Variants in IGFL2 observed in about 807,000 individuals in gnomAD.
IGFL2 encodes the protein insulin growth factor-like family member 2.
A neutral mutation model predicts 13.9 loss-of-function variants in IGFL2; 7 were observed. The observed-to-expected ratio is 0.51, with a 90% confidence interval of 0.29 to 0.95. IGFL2 has a LOEUF of 0.95. Among genes scored for constraint, IGFL2 ranks in the 40% least tolerant of loss-of-function variants. IGFL2 has a pLI of 0.08. For synonymous variants in IGFL2, 55 were observed against 55.8 expected, an observed-to-expected ratio of 0.99 and a Z score of 0.07; for missense variants, 138 against 147.8, an observed-to-expected ratio of 0.93 and a Z score of 0.34.
chr19:46,122,428 G>T, the IGFL2 span, among the ~76,000 whole-genome samples: 1 of 151,084 alleles, frequency 6.6e-6, no homozygotes, highest in Non-Finnish European at 1.5e-5. Context: ...GAACAAATAG[G>T]TGAAGTCATT....
At chr19:46,206,549 C>A in the IGFL2 span, among the ~76,000 whole-genome samples, 874 of 152,228 alleles carry the variant, frequency 5.7e-3, 10 homozygotes, top group African/African-American at 0.02. Flanking sequence ...AAGATGGAGG[C>A]GAGCTTATAC....
At chr19:46,188,368 A>AGATG in the IGFL2 span, among the ~76,000 whole-genome samples, 2 of 152,242 alleles carry the variant, frequency 1.3e-5, no homozygotes, top group Non-Finnish European at 2.9e-5. Context: ...TGATCAGCTA[A>AGATG]GTGAAAGGTC....
At chr19:46,212,223 C>T in the IGFL2 span, 2 of 152,220 alleles carry the variant, frequency 1.3e-5, no homozygotes, top group Non-Finnish European at 2.9e-5. Context: ...GTCTGCTCTT[C>T]CCCTGGGGAA....
At chr19:46,163,075 T>C (rs1421424683), downstream of IGFL2, among the ~76,000 whole-genome samples, 1 of 152,184 alleles carries the variant, frequency 6.6e-6, no homozygotes, top group Non-Finnish European at 1.5e-5. Context: ...AGTAAGGTAT[T>C]ATTTATGTTG....
chr19:46,182,031 A>G, the IGFL2 span, among the ~76,000 whole-genome samples: 2 of 152,140 alleles, frequency 1.3e-5, no homozygotes, highest in East Asian at 1.9e-4. Context: ...GCATAAAAAT[A>G]TACTCATTTT....
the IGFL2 span, among the ~76,000 whole-genome samples, chr19:46,179,815 C>T: frequency 3.3e-5 from 5 of 152,126 alleles, no homozygotes; most frequent in Admixed American, 6.5e-5. Flanking sequence ...ACTCGGGGGG[C>T]TGAGGCATAA....
chr19:46,139,356 A>T (rs79510819), upstream of IGFL2, among the ~76,000 whole-genome samples: 130 of 115,582 alleles, frequency 1.1e-3, no homozygotes, highest in Middle Eastern at 0.013. Flanking sequence ...TTTTTTTTTT[A>T]AAAACGAAAT....
chr19:46,160,069 C>G, intron 1 of IGFL2: 3 of 295,360 alleles, frequency 1.0e-5, no homozygotes, highest in Non-Finnish European at 6.4e-6. Context: ...TCTTACTCAG[C>G]TTCCTTCCTC....
chr19:46,165,031 C>G (rs935051684), downstream of IGFL2, among the ~76,000 whole-genome samples: 4 of 152,182 alleles, frequency 2.6e-5, no homozygotes, highest in African/African-American at 9.7e-5. Flanking sequence ...GTATTGGTGT[C>G]TTTTTATTCC....
At chr19:46,167,668 G>T in the IGFL2 span, among the ~76,000 whole-genome samples, 126 of 152,270 alleles carry the variant, frequency 8.3e-4, 2 homozygotes, top group Middle Eastern at 0.017. Context: ...GTATGTTGAA[G>T]CCCTGAAACC....
the IGFL2 span, among the ~76,000 whole-genome samples, chr19:46,187,130 T>C: frequency 6.6e-6 from 1 of 152,200 alleles, no homozygotes; most frequent in Non-Finnish European, 1.5e-5. Flanking sequence ...GCTGCTGGTA[T>C]GTGCTACCTG....
chr19:46,094,348 T>TA, the IGFL2 span, among the ~76,000 whole-genome samples: 17 of 152,158 alleles, frequency 1.1e-4, no homozygotes, highest in Admixed American at 6.6e-4. Context: ...GGGTTGGTTT[T>TA]AAAAAAATAT....
the IGFL2 span, among the ~76,000 whole-genome samples, chr19:46,090,620 C>T: frequency 2.0e-5 from 3 of 152,222 alleles, no homozygotes; most frequent in South Asian, 2.1e-4. Flanking sequence ...TACGTGATGA[C>T]AAGCACGTTG....
chr19:46,212,190 A>G, the IGFL2 span: 1 of 152,296 alleles, frequency 6.6e-6, no homozygotes, highest in Non-Finnish European at 1.5e-5. Context: ...TGGAGAAGAC[A>G]GGGAGATGGT....
chr19:46,166,957 A>G, the IGFL2 span, among the ~76,000 whole-genome samples: 1 of 152,228 alleles, frequency 6.6e-6, no homozygotes, highest in African/African-American at 2.4e-5. Context: ...CACAATTATT[A>G]CAGGGTCCTG....
chr19:46,120,806 A>C, the IGFL2 span, among the ~76,000 whole-genome samples: 1 of 150,864 alleles, frequency 6.6e-6, no homozygotes, highest in South Asian at 2.1e-4. Context: ...AAGAGAGTAA[A>C]TTTCAAGTGT....
At chr19:46,082,090 A>C in the IGFL2 span, among the ~76,000 whole-genome samples, 29 of 152,316 alleles carry the variant, frequency 1.9e-4, no homozygotes, top group African/African-American at 6.7e-4. Flanking sequence ...CTCTTTAATG[A>C]GGAAATTCCT....
At chr19:46,102,476 T>C in the IGFL2 span, among the ~76,000 whole-genome samples, 1 of 152,204 alleles carries the variant, frequency 6.6e-6, no homozygotes, top group South Asian at 2.1e-4. Context: ...AGTACCTTCT[T>C]AATGGTGGGG....
the IGFL2 span, among the ~76,000 whole-genome samples, chr19:46,112,553 C>A: frequency 6.6e-6 from 1 of 152,322 alleles, no homozygotes; most frequent in African/African-American, 2.4e-5. Context: ...GAAACCAGTA[C>A]AGTCAGGACC....
Sources: allele counts gnomAD v4.1 joint callset (sites outside exome capture counted in the v4.1 genomes callset), GRCh38; gene constraint gnomAD v4.1.1; transcripts MANE v1.5; gene names NCBI Gene and HGNC (gene_info 2026-07-23, HGNC 2026-07-21).